VAT1L: variants seen among roughly 807,000 people sequenced by gnomAD.
VAT1L encodes the protein putative NADPH-dependent quinone oxidoreductase VAT1L.
VAT1L carries 34 observed loss-of-function variants against 44.1 expected under a neutral mutation model. That is an observed-to-expected ratio of 0.77 (90% CI 0.59 to 1.03). The LOEUF is 1.03. Ranked by LOEUF, VAT1L falls within the 50% of genes least tolerant of loss-of-function variation. The pLI is 0.00. For synonymous variants in VAT1L, 253 were observed against 202.2 expected, an observed-to-expected ratio of 1.25 and a Z score of -2.13; for missense variants, 615 against 538.8, an observed-to-expected ratio of 1.14 and a Z score of -1.40.
chr16:77,931,192 C>A (rs2017727613), intron 7 of VAT1L, among the ~76,000 whole-genome samples: 1 of 152,132 alleles, frequency 6.6e-6, no homozygotes, highest in African/African-American at 2.4e-5. Flanking sequence ...AATAAACTTT[C>A]TTTCATTGAA....
At position 77,825,477 on chromosome 16, in the gene VAT1L, G is replaced by A; in HGVS notation, c.579+16G>A. 6.4e-7 allele frequency: 1 copy of A among 1,561,362 alleles called. No individual in the cohort carries two copies. The highest frequency in any genetic ancestry group is 8.7e-7 in the Non-Finnish European group (1 of 1,152,180). On this transcript the variant is annotated intron_variant, in intron 3 of 8. Coordinates refer to ENST00000302536, the MANE Select transcript of VAT1L (RefSeq NM_020927.3). The stretch of plus-strand genomic sequence containing the variant: ...TGGGGGCGTGGTAAGTCAGCTGTTT[G>A]TAACTTCTCTTCTTTAAGGTCATGA...
chr16:77,818,218 T>G (rs2016388722), intron 2 of VAT1L, among the ~76,000 whole-genome samples: 1 of 152,164 alleles, frequency 6.6e-6, no homozygotes, highest in Non-Finnish European at 1.5e-5. Flanking sequence ...GAAATTGAAT[T>G]TGAGCCTGCT....
intron 7 of VAT1L, among the ~76,000 whole-genome samples, chr16:77,891,308 C>T (rs1426858140): frequency 6.6e-6 from 1 of 152,056 alleles, no homozygotes; most frequent in Non-Finnish European, 1.5e-5. Flanking sequence ...GAGCCGAGAT[C>T]GCGCCACTGC....
intron 7 of VAT1L, among the ~76,000 whole-genome samples, chr16:77,900,246 A>C (rs1290109224): frequency 6.6e-6 from 1 of 152,156 alleles, no homozygotes; most frequent in African/African-American, 2.4e-5. Context: ...CTTATTCCGG[A>C]GATCATATGA....
intron 4 of VAT1L, among the ~76,000 whole-genome samples, chr16:77,868,352 G>C (rs1474407250): frequency 6.6e-6 from 1 of 152,156 alleles, no homozygotes; most frequent in East Asian, 1.9e-4. Context: ...AGACTACGAA[G>C]ATACAATGGT....
intron 7 of VAT1L, among the ~76,000 whole-genome samples, chr16:77,968,108 C>A (rs947920058): frequency 5.3e-5 from 8 of 152,072 alleles, no homozygotes; most frequent in African/African-American, 1.7e-4. Context: ...GCATTTAACT[C>A]CCCCACCCCC....
intron 7 of VAT1L, among the ~76,000 whole-genome samples, chr16:77,961,472 G>A (rs1214782033): frequency 6.6e-6 from 1 of 152,166 alleles, no homozygotes; most frequent in Non-Finnish European, 1.5e-5. Flanking sequence ...TTTTAGAGAT[G>A]GAGGTGGGAG....
intron 7 of VAT1L, among the ~76,000 whole-genome samples, chr16:77,909,502 T>A (rs1274125744): frequency 1.3e-5 from 2 of 151,876 alleles, no homozygotes; most frequent in East Asian, 3.9e-4. Flanking sequence ...CCAGGCGTGG[T>A]GGTGTGTGCC....
chr16:77,913,166 T>C (rs962813768), intron 7 of VAT1L, among the ~76,000 whole-genome samples: 4 of 152,310 alleles, frequency 2.6e-5, no homozygotes, highest in African/African-American at 7.2e-5. Context: ...GATTAAATGA[T>C]TTAATTTTAA....
intron 7 of VAT1L, among the ~76,000 whole-genome samples, chr16:77,916,670 T>G (rs1006227211): frequency 6.6e-6 from 1 of 152,202 alleles, no homozygotes; most frequent in Non-Finnish European, 1.5e-5. Flanking sequence ...ATTTTGTTAT[T>G]TTTATCACCT....
At chr16:77,866,109 C>G (rs2016971586) in intron 4 of VAT1L, among the ~76,000 whole-genome samples, 1 of 152,194 alleles carries the variant, frequency 6.6e-6, no homozygotes, top group African/African-American at 2.4e-5. Flanking sequence ...TACGTTTACA[C>G]AACCCTCCGT....
rs746000951 is a variant in VAT1L, at chr16:77,971,971, G to T, written c.1161+38G>T. The T allele has an allele frequency of 1.0e-5, 16 of 1,589,548 alleles. No homozygotes were observed. In the Middle Eastern group the frequency reaches 5.0e-4, roughly 50 times the overall value. On this transcript the variant is annotated intron_variant, in intron 8 of 8. Transcript: ENST00000302536. ...CAGAGGAGTCTGTTCAGTTCCACGC[G>T]AGAGAGCACCACGGGTCAATCAGAT...
chr16:77,836,379 G>C (rs7206402), intron 3 of VAT1L, among the ~76,000 whole-genome samples: 110,115 of 151,884 alleles, frequency 0.72, 40,345 homozygotes, highest in African/African-American at 0.81. Context: ...GGAAACAGAA[G>C]CCCTGAAAAT....
chr16:77,890,447 CA>C (rs2017252351), intron 7 of VAT1L, among the ~76,000 whole-genome samples: 1 of 152,048 alleles, frequency 6.6e-6, no homozygotes, highest in Non-Finnish European at 1.5e-5. Flanking sequence ...GCCTAAGAAG[CA>C]TGACACCATT....
At chr16:77,796,037 G>C (rs963666944) in intron 1 of VAT1L, among the ~76,000 whole-genome samples, 1 of 151,968 alleles carries the variant, frequency 6.6e-6, no homozygotes, top group Non-Finnish European at 1.5e-5. Flanking sequence ...TGTTGGCCAG[G>C]CTGGTCTCGA....
intron 1 of VAT1L, among the ~76,000 whole-genome samples, chr16:77,812,106 G>C (rs909635547): frequency 6.9e-6 from 1 of 144,316 alleles, no homozygotes. Flanking sequence ...TTTTTTGACA[G>C]AGTCTCGCTC....
intron 4 of VAT1L, among the ~76,000 whole-genome samples, chr16:77,867,798 G>T (rs935522157): frequency 7.3e-5 from 11 of 151,368 alleles, no homozygotes; most frequent in Admixed American, 7.2e-4. Context: ...GGTGGAGGTT[G>T]CAGTGAGCCC....
intron 3 of VAT1L, among the ~76,000 whole-genome samples, chr16:77,850,962 C>T (rs558787606): frequency 6.6e-6 from 1 of 152,284 alleles, no homozygotes; most frequent in South Asian, 2.1e-4. Flanking sequence ...TGTCCTGTGG[C>T]CATGCATGGT....
At chr16:77,874,750 G>A (rs1032771946) in intron 4 of VAT1L, among the ~76,000 whole-genome samples, 5 of 148,968 alleles carry the variant, frequency 3.4e-5, no homozygotes, top group African/African-American at 7.4e-5. Context: ...CCTCTTATAC[G>A]CTCCAAAAAG....
Sources: allele counts gnomAD v4.1 joint callset (sites outside exome capture counted in the v4.1 genomes callset), GRCh38; gene constraint gnomAD v4.1.1; transcripts MANE v1.5; gene names NCBI Gene and HGNC (gene_info 2026-07-23, HGNC 2026-07-21).